Variants in NUP98 observed in about 807,000 individuals in gnomAD.
The protein encoded by NUP98 is nuclear pore complex protein Nup98-Nup96.
NUP98 carries 26 observed loss-of-function variants against 191.9 expected under a neutral mutation model. That is an observed-to-expected ratio of 0.14 (90% CI 0.10 to 0.19). The LOEUF is 0.19. Among genes scored for constraint, NUP98 ranks in the 10% least tolerant of loss-of-function variants. NUP98 has a pLI of 1.00. For synonymous variants in NUP98, 808 were observed against 778.4 expected, an observed-to-expected ratio of 1.04 and a Z score of -0.63; for missense variants, 1,941 against 2,178.8, an observed-to-expected ratio of 0.89 and a Z score of 2.17.
chr11:3,764,331 T>C (rs1012000047), intron 8 of NUP98, among the ~76,000 whole-genome samples: 5 of 152,370 alleles, frequency 3.3e-5, no homozygotes, highest in African/African-American at 9.6e-5. Flanking sequence ...TATACCACAA[T>C]TGGTTACCCA....
At chr11:3,742,209 G>C (rs147944122) in intron 12 of NUP98, among the ~76,000 whole-genome samples, 23 of 152,278 alleles carry the variant, frequency 1.5e-4, no homozygotes, top group African/African-American at 4.6e-4. Flanking sequence ...ATGGAAGTCA[G>C]TAAGCGGTGG....
chr11:3,716,859 G>C (rs1457515606), intron 18 of NUP98, among the ~76,000 whole-genome samples: 5 of 151,978 alleles, frequency 3.3e-5, no homozygotes, highest in Admixed American at 2.6e-4. Context: ...CCTCCAAATT[G>C]TTCTTTTTTG....
intron 1 of NUP98, among the ~76,000 whole-genome samples, chr11:3,795,086 C>T (rs140313909): frequency 9.2e-5 from 14 of 152,190 alleles, no homozygotes; most frequent in African/African-American, 2.4e-4. Flanking sequence ...TTTTCAAAGC[C>T]GTAAATTTAG....
intron 1 of NUP98, among the ~76,000 whole-genome samples, chr11:3,782,417 CTTT>C (rs80168819): frequency 5.5e-5 from 8 of 144,164 alleles, no homozygotes; most frequent in South Asian, 4.4e-4. Context: ...TGTTTTCAAT[CTTT>C]TTTTTTTTTT....
rs1398492767 is a variant in NUP98 at position 3,679,465 on chromosome 11, C to T, written c.5073+89G>A. 3 of 1,427,456 alleles carry T rather than the reference C, an allele frequency of 2.1e-6. No homozygotes were observed. In the East Asian group the frequency reaches 6.8e-5, roughly 32 times the overall value. The allele number at this position is 1,427,456 out of a possible 1,614,324, so 88.4% of individuals were successfully genotyped here. A position where few individuals can be genotyped will look rare whatever the true frequency, so the allele number is the denominator to read the frequency against. The stretch of plus-strand genomic sequence containing the variant: ...AGTGCTATCTCTGTCAGTGCATTCT[C>T]AAGTGTATACTAAGGCCTTGTGAGG... On this transcript the variant is annotated intron_variant, in intron 31 of 32. Coordinates refer to ENST00000324932, the MANE Select transcript of NUP98 (RefSeq NM_016320.5).
chr11:3,774,886 G>T (rs971234672), intron 5 of NUP98, among the ~76,000 whole-genome samples: 59 of 151,960 alleles, frequency 3.9e-4, no homozygotes, highest in African/African-American at 1.4e-3. Context: ...TCAAATTCGG[G>T]GTTGTAAATT....
chr11:3,721,891 GAA>G (rs1392050810), intron 16 of NUP98, among the ~76,000 whole-genome samples: 1 of 152,118 alleles, frequency 6.6e-6, no homozygotes, highest in Non-Finnish European at 1.5e-5. Flanking sequence ...CTCTCTGAGA[GAA>G]AAGTATTTCA....
In NUP98 at chr11:3,700,834, G is replaced by C; in HGVS notation, c.3518C>G (p.Thr1173Ser). 6.2e-7 allele frequency: 1 copy of C among 1,611,732 alleles called. No individual in the cohort carries two copies. The highest frequency in any genetic ancestry group is 8.5e-7 in the Non-Finnish European group (1 of 1,178,190). Residue 1173 changes from threonine (T) to serine (S), a missense_variant, in exon 24 of 33, where the codon ACT (threonine) becomes AGT (serine). Physicochemically the swap from Thr to Ser is moderately conservative, Grantham distance 58. Coordinates refer to ENST00000324932, the MANE Select transcript of NUP98 (RefSeq NM_016320.5). ...LPNPVAVKPL[T>S]ESPFKVHLEK... is the part of the protein sequence containing the mutation. ...TAAGTGAACTTTGAATGGGGACTCAGTTAGGCTACAAGAGCAAATGAGGAA... is the reference window on the plus strand; with the variant it reads ...TAAGTGAACTTTGAATGGGGACTCACTTAGGCTACAAGAGCAAATGAGGAA...
At chr11:3,753,178 T>C (rs1482800488) in intron 11 of NUP98, 138 bp downstream of exon 11, 1 of 708,734 alleles carries the variant, frequency 1.4e-6, no homozygotes, top group East Asian at 2.7e-5. Context: ...CTGCTGGGAA[T>C]GTCTTATAAA....
At chr11:3,792,165 T>C (rs4910808) in intron 1 of NUP98, among the ~76,000 whole-genome samples, 11,489 of 95,450 alleles carry the variant, frequency 0.12, 672 homozygotes, top group Middle Eastern at 0.28. Context: ...GGTGACAGAG[T>C]GAAACTCCAT....
At chr11:3,732,988 C>G (rs576029460) in intron 13 of NUP98, among the ~76,000 whole-genome samples, 25 of 152,310 alleles carry the variant, frequency 1.6e-4, no homozygotes, top group African/African-American at 5.5e-4. Context: ...AAAGCCTTAT[C>G]AAATTCATCC....
chr11:3,698,659 G>A (rs1246521523), intron 25 of NUP98, among the ~76,000 whole-genome samples: 1 of 149,686 alleles, frequency 6.7e-6, no homozygotes, highest in African/African-American at 2.5e-5. Flanking sequence ...CCCAGGAGGA[G>A]GAGGTTGCAG....
intron 1 of NUP98, among the ~76,000 whole-genome samples, chr11:3,785,423 A>G (rs1414643331): frequency 6.6e-6 from 1 of 152,170 alleles, no homozygotes; most frequent in Non-Finnish European, 1.5e-5. Flanking sequence ...GTGACTACTG[A>G]CATAATCAGA....
intron 5 of NUP98, among the ~76,000 whole-genome samples, chr11:3,773,972 C>T (rs2081616261): frequency 6.6e-6 from 1 of 152,064 alleles, no homozygotes; most frequent in African/African-American, 2.4e-5. Flanking sequence ...GGGATTAATC[C>T]CATAACCCAA....
At chr11:3,702,313 ACTCTCTCTCTCTCTCTCTCTCTCT>A (rs71041375) in intron 23 of NUP98, 126 bp downstream of exon 23, 3,613 of 346,272 alleles carry the variant, frequency 0.01, 18 homozygotes, top group African/African-American at 0.033. Flanking sequence ...ACACACACAC[ACTCTCTCTCTCTCTCTCTCTCTCT>A]CTCTCTCTCT....
intron 28 of NUP98, 151 bp from the exon 29 acceptor site, chr11:3,686,345 T>C (rs1650709706): frequency 1.5e-6 from 1 of 677,736 alleles, no homozygotes; most frequent in African/African-American, 1.8e-5. Context: ...GTTTTATCAA[T>C]CTATCTCTGG....
intron 30 of NUP98, among the ~76,000 whole-genome samples, chr11:3,681,837 T>G (rs1407266037): frequency 6.6e-6 from 1 of 152,220 alleles, no homozygotes; most frequent in Non-Finnish European, 1.5e-5. Flanking sequence ...ACTTGTCCTT[T>G]GCAGCTTTGA....
intron 24 of NUP98, among the ~76,000 whole-genome samples, chr11:3,700,122 G>A (rs1382117871): frequency 2.0e-5 from 3 of 152,098 alleles, no homozygotes; most frequent in Non-Finnish European, 2.9e-5. Context: ...TTGGAAAGTC[G>A]AGGCAGGCAG....
At chr11:3,693,146 C>A in intron 27 of NUP98, 86 bp downstream of exon 27, 2 of 1,350,426 alleles carry the variant, frequency 1.5e-6, no homozygotes. Flanking sequence ...AGGATAGTTT[C>A]CCATCAGATT....
Sources: allele counts gnomAD v4.1 joint callset (sites outside exome capture counted in the v4.1 genomes callset), GRCh38; gene constraint gnomAD v4.1.1; transcripts MANE v1.5; gene names NCBI Gene and HGNC (gene_info 2026-07-23, HGNC 2026-07-21).